Variants in GLI3 observed in about 807,000 individuals in gnomAD.
The protein encoded by GLI3 is transcription activator GLI3.
GLI3 carries 20 observed loss-of-function variants against 100.8 expected under a neutral mutation model. The observed-to-expected ratio is 0.20, with a 90% CI of 0.14 to 0.29. The LOEUF (loss-of-function observed/expected upper bound fraction) is 0.29, where lower values mean the gene tolerates loss of function less well. Ranked by LOEUF, GLI3 falls within the 10% of genes least tolerant of loss-of-function variation. The probability of loss-of-function intolerance (pLI) is 1.00; values close to 1 mark genes in which losing one functional copy is unlikely to be tolerated. For synonymous variants in GLI3, 938 were observed against 860.5 expected, an observed-to-expected ratio of 1.09 and a Z score of -1.58; for missense variants, 2,040 against 2,128.5, an observed-to-expected ratio of 0.96 and a Z score of 0.82.
At chr7:42,152,098 T>G (rs12536626) in intron 2 of GLI3, 20,327 of 152,084 alleles carry the variant, frequency 0.13, 1,644 homozygotes, top group Non-Finnish European at 0.18. Context: ...GTTTTGTTTT[T>G]TTCTGTCCAT....
chr7:42,021,851 A>G (rs1400709092), intron 10 of GLI3, among the ~76,000 whole-genome samples: 2 of 152,218 alleles, frequency 1.3e-5, no homozygotes, highest in Non-Finnish European at 2.9e-5. Context: ...GTCATTCGTT[A>G]TATCACTAAG....
intron 3 of GLI3, among the ~76,000 whole-genome samples, chr7:42,081,967 C>T (rs1785005278): frequency 6.6e-6 from 1 of 151,994 alleles, no homozygotes; most frequent in Admixed American, 6.6e-5. Flanking sequence ...AGCTTGGAAT[C>T]ATCTCAATCA....
At chr7:42,159,432 T>A (rs2128792923) in intron 2 of GLI3, among the ~76,000 whole-genome samples, 1 of 152,292 alleles carries the variant, frequency 6.6e-6, no homozygotes, top group South Asian at 2.1e-4. Flanking sequence ...GAATGCTAAA[T>A]GAGTCAATAA....
intron 4 of GLI3, among the ~76,000 whole-genome samples, chr7:42,071,117 AG>A (rs1562714009): frequency 6.6e-6 from 1 of 152,226 alleles, no homozygotes; most frequent in African/African-American, 2.4e-5. Flanking sequence ...TACCATATGT[AG>A]AGCATGGGCT....
intron 10 of GLI3, among the ~76,000 whole-genome samples, chr7:42,017,405 A>G (rs1788797123): frequency 6.6e-6 from 1 of 152,170 alleles, no homozygotes; most frequent in Admixed American, 6.5e-5. Context: ...TGAATGAATT[A>G]AGAAAGTAAC....
intron 10 of GLI3, among the ~76,000 whole-genome samples, chr7:42,011,060 C>G (rs1366203993): frequency 1.3e-5 from 2 of 152,216 alleles, no homozygotes; most frequent in South Asian, 2.1e-4. Context: ...TTTTATTTGT[C>G]TGAGTCCACC....
chr7:42,108,457 T>A (rs2128765235), intron 3 of GLI3, among the ~76,000 whole-genome samples: 1 of 152,296 alleles, frequency 6.6e-6, no homozygotes, highest in East Asian at 1.9e-4. Flanking sequence ...GGTGAGCTGA[T>A]GGCGCTTTCC....
chr7:42,179,630 G>A (rs1003767125), intron 2 of GLI3, among the ~76,000 whole-genome samples: 1 of 152,176 alleles, frequency 6.6e-6, no homozygotes. Flanking sequence ...GCAGATTCTG[G>A]TGCTTTATGA....
intron 1 of GLI3, among the ~76,000 whole-genome samples, chr7:42,253,571 A>C (rs949851139): frequency 2.6e-5 from 4 of 152,200 alleles, no homozygotes; most frequent in African/African-American, 7.2e-5. Flanking sequence ...TCTGAATTAA[A>C]TAGTTCTTAA....
At chr7:41,995,702 G>C (rs1381440920) in intron 10 of GLI3, among the ~76,000 whole-genome samples, 1 of 152,082 alleles carries the variant, frequency 6.6e-6, no homozygotes. Context: ...TACAGAAAAT[G>C]CACAGAAGAG....
intron 10 of GLI3, among the ~76,000 whole-genome samples, chr7:42,019,508 A>T (rs1788875627): frequency 6.6e-6 from 1 of 152,260 alleles, no homozygotes; most frequent in Non-Finnish European, 1.5e-5. Context: ...TACATAATAA[A>T]CATAAGCTAA....
intron 9 of GLI3, 33 bp from the exon 10 acceptor site, chr7:42,023,641 G>C: frequency 1.3e-6 from 2 of 1,593,414 alleles, no homozygotes; most frequent in Non-Finnish European, 1.7e-6. Flanking sequence ...AGGGAACAGA[G>C]AAGGGGGAAG....
At chr7:42,235,480 T>A (rs1263911152) in intron 1 of GLI3, among the ~76,000 whole-genome samples, 1 of 152,182 alleles carries the variant, frequency 6.6e-6, no homozygotes, top group Admixed American at 6.5e-5. Flanking sequence ...CTTTTATTTT[T>A]AAAAGTTAAT....
intron 2 of GLI3, chr7:42,172,601 G>A (rs1447976269): frequency 7.1e-6 from 5 of 702,926 alleles, no homozygotes; most frequent in Non-Finnish European, 1.3e-5. Context: ...CTGTGGCTGA[G>A]TCGTTTGTGC....
chr7:42,170,397 C>CTT (rs1185274818), intron 2 of GLI3, among the ~76,000 whole-genome samples: 1,409 of 81,060 alleles, frequency 0.017, 29 homozygotes, highest in Non-Finnish European at 0.024. Context: ...ACTTACTGAT[C>CTT]TTTTTTTTTT....
At chr7:42,256,235 C>A (rs1405560850) in intron 1 of GLI3, among the ~76,000 whole-genome samples, 1 of 151,664 alleles carries the variant, frequency 6.6e-6, no homozygotes, top group Non-Finnish European at 1.5e-5. Context: ...TATTGTCTCC[C>A]AGTTTGCCTT....
In GLI3 at chr7:42,218,571, A is replaced by T. The variant is rs112921621; in HGVS notation, c.124+4559T>A. On this transcript the variant is annotated intron_variant, in intron 2 of 14. Coordinates refer to ENST00000395925, the MANE Select transcript of GLI3 (RefSeq NM_000168.6). ...AAAAGTTAAAGCAAAAAAAAAAGCA[A>T]CTCCTTAGGAATTTGCAGACCATAA... Among the ~76,000 whole-genome samples, 331 of 152,038 alleles carry T rather than the reference A, an allele frequency of 2.2e-3. 2 individuals are homozygous for T. Among genetic ancestry groups the T allele is most frequent in the African/African-American group, 7.5e-3 (312 of 41,518 alleles).
chr7:42,139,924 C>A (rs930781321), intron 3 of GLI3, among the ~76,000 whole-genome samples: 4 of 152,156 alleles, frequency 2.6e-5, no homozygotes, highest in African/African-American at 9.7e-5. Flanking sequence ...TCTTAGTAAT[C>A]ACCCCAGACT....
chr7:42,255,471 T>A (rs1228021293), intron 1 of GLI3, among the ~76,000 whole-genome samples: 1 of 152,348 alleles, frequency 6.6e-6, no homozygotes, highest in African/African-American at 2.4e-5. Flanking sequence ...CATGTCTGCG[T>A]GCATCAATTC....
Sources: gnomAD v4.1 joint callset for allele counts (sites outside exome capture counted in the v4.1 genomes callset) on GRCh38, gnomAD v4.1.1 for gene constraint, MANE v1.5 for transcripts, NCBI Gene and HGNC (gene_info 2026-07-23, HGNC 2026-07-21) for gene names.